COL14A1: variants seen among roughly 807,000 people sequenced by gnomAD.
COL14A1 encodes the protein collagen alpha-1(XIV) chain.
COL14A1 carries 136 observed loss-of-function variants against 230.3 expected under a neutral mutation model. The observed-to-expected ratio is 0.59, with a 90% CI of 0.51 to 0.68. The LOEUF (loss-of-function observed/expected upper bound fraction) is 0.68, where lower values mean the gene tolerates loss of function less well. COL14A1 is among the 30% of genes least tolerant of loss of function. The pLI, the probability that COL14A1 is intolerant of heterozygous loss-of-function variation, is 0.00. For missense variants in COL14A1, 1,976 were observed against 2,215.8 expected (o/e 0.89, Z 2.17); for synonymous variants, 792 against 784.1 (o/e 1.01, Z -0.17).
intron 13 of COL14A1, among the ~76,000 whole-genome samples, chr8:120,214,700 T>G: frequency 6.6e-6 from 1 of 151,802 alleles, no homozygotes; most frequent in Non-Finnish European, 1.5e-5. Context: ...GGGAACAAAA[T>G]GAAACCAAAT....
At chr8:120,285,707 A>C (rs575001476) in intron 32 of COL14A1, among the ~76,000 whole-genome samples, 154 bp from the exon 33 acceptor site, 1 of 152,268 alleles carries the variant, frequency 6.6e-6, no homozygotes, top group African/African-American at 2.4e-5. Flanking sequence ...GTCTGCGGCA[A>C]CCTGGGGACT....
At chr8:120,190,680 C>CT (rs1816793814) in intron 5 of COL14A1, among the ~76,000 whole-genome samples, 1 of 152,068 alleles carries the variant, frequency 6.6e-6, no homozygotes, top group Non-Finnish European at 1.5e-5. Flanking sequence ...GTCCTGGACT[C>CT]TTTTTGGTTG....
chr8:120,268,753 CCTT>C (rs1029524975), intron 25 of COL14A1, among the ~76,000 whole-genome samples: 17 of 151,708 alleles, frequency 1.1e-4, no homozygotes, highest in African/African-American at 3.9e-4. Context: ...AGAGGTAACT[CCTT>C]CATGCATGTG....
intron 46 of COL14A1, 119 bp from the exon 47 acceptor site, chr8:120,369,211 G>C: frequency 1.0e-6 from 1 of 989,618 alleles, no homozygotes; most frequent in East Asian, 2.8e-5. Context: ...AGTAGAAAGA[G>C]GTTGTCCTAA....
chr8:120,264,124 C>G (rs1306198805), intron 24 of COL14A1, among the ~76,000 whole-genome samples: 1 of 152,130 alleles, frequency 6.6e-6, no homozygotes, highest in Non-Finnish European at 1.5e-5. Context: ...AAGTCGATCT[C>G]CTTTCCCACC....
chr8:120,350,508 C>T (rs1303157040), intron 45 of COL14A1, among the ~76,000 whole-genome samples: 1 of 150,538 alleles, frequency 6.6e-6, no homozygotes, highest in Admixed American at 6.6e-5. Flanking sequence ...CGTGCAGAGA[C>T]ATACATAGGC....
chr8:120,126,245 G>A (rs1183881967), intron 1 of COL14A1, among the ~76,000 whole-genome samples: 1 of 152,226 alleles, frequency 6.6e-6, no homozygotes, highest in Non-Finnish European at 1.5e-5. Context: ...CTAGGGCAGA[G>A]CCTGGAGGCC....
At chr8:120,289,017 A>G (rs1820290899) in intron 33 of COL14A1, among the ~76,000 whole-genome samples, 1 of 152,152 alleles carries the variant, frequency 6.6e-6, no homozygotes, top group African/African-American at 2.4e-5. Context: ...AACTCCTGAA[A>G]ATATCACGGA....
chr8:120,144,112 T>C (rs1815008484), intron 1 of COL14A1, among the ~76,000 whole-genome samples: 2 of 152,138 alleles, frequency 1.3e-5, no homozygotes, highest in East Asian at 3.8e-4. Context: ...TTTTGATAAA[T>C]GATAAGCATA....
intron 8 of COL14A1, among the ~76,000 whole-genome samples, chr8:120,202,016 A>G (rs1314590338): frequency 6.6e-6 from 1 of 152,212 alleles, no homozygotes; most frequent in East Asian, 1.9e-4. Context: ...GCTTCAGCAT[A>G]CACTCAATGT....
chr8:120,216,848 A>G (rs1817766764), intron 14 of COL14A1, among the ~76,000 whole-genome samples: 1 of 152,212 alleles, frequency 6.6e-6, no homozygotes, highest in Non-Finnish European at 1.5e-5. Flanking sequence ...GCTTCAGGGG[A>G]GTTGGCTCAG....
intron 8 of COL14A1, among the ~76,000 whole-genome samples, chr8:120,200,720 TA>T: frequency 2.6e-4 from 2 of 7,772 alleles, no homozygotes; most frequent in African/African-American, 1.8e-3. Context: ...CCTATTTATA[TA>T]TATATATATA....
intron 1 of COL14A1, among the ~76,000 whole-genome samples, chr8:120,141,153 A>G (rs945884277): frequency 6.6e-6 from 1 of 152,182 alleles, no homozygotes; most frequent in Non-Finnish European, 1.5e-5. Flanking sequence ...TTACTGTCCA[A>G]AAGTTTGGGG....
intron 26 of COL14A1, among the ~76,000 whole-genome samples, chr8:120,272,457 A>T (rs532517985): frequency 3.3e-5 from 5 of 151,788 alleles, no homozygotes; most frequent in Non-Finnish European, 7.4e-5. Flanking sequence ...ATTAACGTTG[A>T]ATGTAAATAG....
At chr8:120,268,544 G>T (rs1819566504) in intron 25 of COL14A1, among the ~76,000 whole-genome samples, 1 of 151,654 alleles carries the variant, frequency 6.6e-6, no homozygotes, top group Non-Finnish European at 1.5e-5. Flanking sequence ...TTGGTTCTGA[G>T]ATTTTCATCA....
At chr8:120,247,473 C>A in intron 20 of COL14A1, 140 bp from the exon 21 acceptor site, 1 of 747,234 alleles carries the variant, frequency 1.3e-6, no homozygotes, top group Non-Finnish European at 2.0e-6. Context: ...AAAGGCTTCT[C>A]ATTGTGTGTT....
At chr8:120,305,407 A>G (rs1820829040) in intron 36 of COL14A1, among the ~76,000 whole-genome samples, 1 of 152,226 alleles carries the variant, frequency 6.6e-6, no homozygotes, top group Non-Finnish European at 1.5e-5. Flanking sequence ...AATAAAGAAA[A>G]ATGATACCAG....
In COL14A1 at chr8:120,228,876, C is replaced by A. The variant is rs77233880; in HGVS notation, c.2197+107C>A. The A allele has an allele frequency of 1.3e-3, 1,260 of 969,110 alleles. 15 individuals carry two copies. In the African/African-American group the frequency reaches 0.018, roughly 14 times the overall value. 60.0% of individuals were successfully genotyped at this position (969,110 alleles called of 1,614,324 possible). ...TTAACTAGGAAAAGAGATGACCCTC[C>A]CTTCCTTTTCTGGCACACTGGTTCA... is the stretch of plus-strand genomic sequence containing the variant. On this transcript the variant is annotated intron_variant, in intron 18 of 47. Transcript: ENST00000297848.
rs1229967302 is a variant in COL14A1, at chr8:120,157,673, T to G, written c.89-457T>G. On this transcript the variant is annotated intron_variant, in intron 2 of 47. Coordinates refer to ENST00000297848, the MANE Select transcript of COL14A1 (RefSeq NM_021110.4). The stretch of plus-strand genomic sequence containing the variant: ...TTATCTTGCAAACTGATCAGTTCAT[T>G]AGTGAGGTTGTAAAAAATAATATAT... Among the ~76,000 whole-genome samples the G allele has an allele frequency of 2.0e-5, 3 of 152,050 alleles. No homozygotes were observed. The East Asian group carries it at 5.8e-4, about 29-fold the overall frequency.
Sources: gnomAD v4.1 joint callset for allele counts (sites outside exome capture counted in the v4.1 genomes callset) on GRCh38, gnomAD v4.1.1 for gene constraint, MANE v1.5 for transcripts, NCBI Gene and HGNC (gene_info 2026-07-23, HGNC 2026-07-21) for gene names.